The following ATXN1 variants were observed in gnomAD, a reference collection of about 807,000 sequenced individuals.
The protein encoded by ATXN1 is ataxin-1.
A neutral mutation model predicts 56.4 loss-of-function variants in ATXN1; 8 were observed. That is an observed-to-expected ratio of 0.14 (90% CI 0.08 to 0.26). ATXN1 has a LOEUF of 0.26. Ranked by LOEUF, ATXN1 falls within the 10% of genes least tolerant of loss-of-function variation. The probability of loss-of-function intolerance (pLI) is 1.00; values close to 1 mark genes in which losing one functional copy is unlikely to be tolerated. For synonymous variants in ATXN1, 514 were observed against 494.6 expected, an observed-to-expected ratio of 1.04 and a Z score of -0.52; for missense variants, 987 against 1,106.5, an observed-to-expected ratio of 0.89 and a Z score of 1.53.
At chr6:16,381,559 G>A (rs13437167) in intron 6 of ATXN1, among the ~76,000 whole-genome samples, 5,266 of 152,294 alleles carry the variant, frequency 0.035, 295 homozygotes, top group African/African-American at 0.12. Flanking sequence ...GGCATATAAT[G>A]CCGTTTGTGT....
intron 2 of ATXN1, among the ~76,000 whole-genome samples, chr6:16,747,377 G>C (rs1288258441): frequency 6.6e-6 from 1 of 152,104 alleles, no homozygotes; most frequent in Non-Finnish European, 1.5e-5. Context: ...CAAGCCCATC[G>C]CTGTTAAGTA....
intron 3 of ATXN1, among the ~76,000 whole-genome samples, chr6:16,612,253 G>C (rs895937194): frequency 6.6e-6 from 1 of 152,102 alleles, no homozygotes; most frequent in Non-Finnish European, 1.5e-5. Context: ...GATTTAATTA[G>C]AGCATGCATC....
chr6:16,683,059 A>C (rs907828622), intron 2 of ATXN1, among the ~76,000 whole-genome samples: 2 of 152,164 alleles, frequency 1.3e-5, no homozygotes, highest in African/African-American at 2.4e-5. Context: ...AGTTGATGAG[A>C]TCTAGGTTTC....
intron 2 of ATXN1, among the ~76,000 whole-genome samples, chr6:16,740,831 C>T (rs1760315896): frequency 6.6e-6 from 1 of 152,132 alleles, no homozygotes; most frequent in South Asian, 2.1e-4. Flanking sequence ...CCATGCCCAG[C>T]CTCTAACATC....
chr6:16,745,520 A>T (rs1323339240), intron 2 of ATXN1, among the ~76,000 whole-genome samples: 6 of 152,258 alleles, frequency 3.9e-5, no homozygotes, highest in Non-Finnish European at 5.9e-5. Flanking sequence ...CAACACATAA[A>T]AATGAACTTG....
At chr6:16,627,619 C>A (rs538241125) in intron 3 of ATXN1, among the ~76,000 whole-genome samples, 16 of 152,146 alleles carry the variant, frequency 1.1e-4, no homozygotes, top group African/African-American at 3.4e-4. Flanking sequence ...ACTAGCTACT[C>A]GGGAGGCTGA....
chr6:16,428,213 G>A (rs532502157), intron 6 of ATXN1, among the ~76,000 whole-genome samples: 2 of 149,444 alleles, frequency 1.3e-5, no homozygotes, highest in South Asian at 4.5e-4. Context: ...CTGGCTCCCA[G>A]GTTCAAGTGA....
intron 3 of ATXN1, among the ~76,000 whole-genome samples, chr6:16,604,061 C>T (rs563852786): frequency 3.9e-5 from 6 of 152,228 alleles, no homozygotes; most frequent in African/African-American, 1.4e-4. Flanking sequence ...AACCAAGGGT[C>T]TCCTTATCTT....
intron 6 of ATXN1, among the ~76,000 whole-genome samples, chr6:16,440,110 G>A (rs1204669487): frequency 8.7e-5 from 13 of 149,700 alleles, no homozygotes; most frequent in East Asian, 3.9e-4. Flanking sequence ...GGCCAGGTGC[G>A]GTGGCTCATG....
chr6:16,369,150 A>C (rs1252576793), intron 6 of ATXN1, among the ~76,000 whole-genome samples: 2 of 152,210 alleles, frequency 1.3e-5, no homozygotes, highest in Non-Finnish European at 1.5e-5. Context: ...AAATAGAAGG[A>C]AACTTTCTTC....
At chr6:16,421,655 TG>T (rs145977640) in intron 6 of ATXN1, among the ~76,000 whole-genome samples, 1,726 of 47,754 alleles carry the variant, frequency 0.036, 38 homozygotes, top group African/African-American at 0.13. Flanking sequence ...CACGGGAGGG[TG>T]GGGGGGGCGT....
intron 5 of ATXN1, among the ~76,000 whole-genome samples, chr6:16,490,134 CAAA>C (rs36120552): frequency 0.01 from 1,370 of 134,258 alleles, 23 homozygotes; most frequent in African/African-American, 0.035. Context: ...GACAAATGAC[CAAA>C]AAAAAAAAAA....
intron 7 of ATXN1, among the ~76,000 whole-genome samples, chr6:16,307,155 C>T (rs1210421391): frequency 1.3e-5 from 2 of 152,218 alleles, no homozygotes; most frequent in Admixed American, 1.3e-4. Context: ...CTGTTAGAAC[C>T]AGTCAATCGA....
chr6:16,502,318 G>C (rs1412455068), intron 5 of ATXN1, among the ~76,000 whole-genome samples: 1 of 152,152 alleles, frequency 6.6e-6, no homozygotes, highest in Non-Finnish European at 1.5e-5. Flanking sequence ...TGGTTCTTAT[G>C]AAAGTGCTAC....
At position 16,640,607 on chromosome 6, in the gene ATXN1, C is replaced by T. The variant is rs1333625925; in HGVS notation, c.-489+17169G>A. 4.6e-5 allele frequency among the ~76,000 whole-genome samples: 7 copies of T among 151,620 alleles called. No homozygotes were observed. In the South Asian group the frequency reaches 8.4e-4, roughly 18 times the overall value. ...CTGAGGCAGGAGAATGGCGTGAACC[C>T]GGGAGGCGGAGCTTGCAGTAAGCAG... On this transcript the variant is annotated intron_variant, in intron 3 of 7. Coordinates refer to ENST00000436367, the MANE Select transcript of ATXN1 (RefSeq NM_001128164.2).
At chr6:16,369,415 C>A in intron 6 of ATXN1, among the ~76,000 whole-genome samples, 1 of 152,302 alleles carries the variant, frequency 6.6e-6, no homozygotes, top group East Asian at 1.9e-4. Context: ...CCTTCCCTCA[C>A]GGTTATGGCC....
Position 16,306,359 on chromosome 6 carries a change from G to A in ATXN1, c.2418C>T (p.Cys806=), listed in dbSNP as rs1212962482. Reference sequence around the variant, plus strand: ...TGCCTACATTAGACCGGCCTTCAATGCAAATCTTAACCTCCTGAGGAATTA... The same window carrying A: ...TGCCTACATTAGACCGGCCTTCAATACAAATCTTAACCTCCTGAGGAATTA... ...PSLIPQEVKI[C]IEGRSNVGK Residue 806 remains cysteine, a synonymous_variant, in exon 8 of 8, where the codon TGC becomes TGT. Coordinates refer to ENST00000436367, the MANE Select transcript of ATXN1 (RefSeq NM_001128164.2). The surrounding 1 kb of genome is among the most constrained non-coding windows in gnomAD (Gnocchi z 5.2). 4 of 1,612,256 alleles carry A rather than the reference G, an allele frequency of 2.5e-6. No individual in the cohort carries two copies. The highest frequency in any genetic ancestry group is 1.3e-5 in the African/African-American group (1 of 74,980).
At position 16,753,365 on chromosome 6, in the gene ATXN1, G is replaced by A; in HGVS notation, c.-729-18C>T. On this transcript the variant is annotated intron_variant, in intron 1 of 7. Coordinates refer to ENST00000436367, the MANE Select transcript of ATXN1 (RefSeq NM_001128164.2). Reference sequence around the variant, plus strand: ...CGATGCTCCTGCAATGGTCGAGGGAGTGCAGGAGAGGAAATCCAAAATGAA... The same window carrying A: ...CGATGCTCCTGCAATGGTCGAGGGAATGCAGGAGAGGAAATCCAAAATGAA... 2.2e-6 allele frequency: 1 copy of A among 456,630 alleles called. No homozygotes were observed. Among genetic ancestry groups the A allele is most frequent in the South Asian group, 1.5e-5 (1 of 64,526 alleles). 28.3% of individuals were successfully genotyped at this position (456,630 alleles called of 1,614,324 possible).
chr6:16,579,834 G>A (rs1486214786), intron 4 of ATXN1, among the ~76,000 whole-genome samples: 1 of 152,036 alleles, frequency 6.6e-6, no homozygotes, highest in Non-Finnish European at 1.5e-5. Context: ...CAGTGGCTCT[G>A]TGGCTCCCAT....
Sources: allele counts gnomAD v4.1 joint callset (sites outside exome capture counted in the v4.1 genomes callset), GRCh38; gene constraint gnomAD v4.1.1; non-coding constraint Gnocchi (gnomAD v3.1); transcripts MANE v1.5; gene names NCBI Gene and HGNC (gene_info 2026-07-23, HGNC 2026-07-21).